Variants in PLEKHO2 observed in about 807,000 individuals in gnomAD.
PLEKHO2 encodes pleckstrin homology domain containing O2, also known as pleckstrin homology domain-containing family O member 2.
Under a neutral mutation model 32.7 loss-of-function variants are expected in PLEKHO2, and 20 were observed. The observed-to-expected ratio is 0.61, with a 90% CI of 0.43 to 0.89. The LOEUF is 0.89. PLEKHO2 is among the 40% of genes least tolerant of loss of function. The probability of loss-of-function intolerance (pLI) is 0.00; values close to 1 mark genes in which losing one functional copy is unlikely to be tolerated. For synonymous variants in PLEKHO2, 247 were observed against 246.3 expected (o/e 1.00, Z -0.03); for missense variants, 568 against 621.2 (o/e 0.91, Z 0.91).
intron 3 of PLEKHO2, among the ~76,000 whole-genome samples, chr15:64,856,444 C>A (rs832880): frequency 6.6e-6 from 1 of 151,822 alleles, no homozygotes; most frequent in African/African-American, 2.4e-5. Context: ...CCTCTCTGGC[C>A]TCTGCCTGTG....
intron 2 of PLEKHO2, among the ~76,000 whole-genome samples, chr15:64,851,575 T>C (rs1222057088): frequency 6.6e-6 from 1 of 152,224 alleles, no homozygotes; most frequent in East Asian, 1.9e-4. Context: ...TTCCTCTTTC[T>C]GATGTAAGGA....
rs535807857 is a variant in PLEKHO2, at chr15:64,865,544, C to G, written c.1129C>G (p.Pro377Ala). The change falls in exon 6 of 6, where the codon CCC becomes GCC. Residue 377 changes from proline to alanine, a missense_variant. Coordinates refer to ENST00000323544, the MANE Select transcript of PLEKHO2 (RefSeq NM_025201.5). ...KDATTSTALPPWDLPPQFHPR... is the reference protein window; with the variant it reads ...KDATTSTALPAWDLPPQFHPR... ...TGCAACAACATCCACAGCACTGCCC[C>G]CCTGGGACCTGCCACCTCAGTTCCA... is the stretch of plus-strand genomic sequence containing the variant. 1.2e-6 allele frequency: 2 copies of G among 1,614,174 alleles called. No individual in the cohort carries two copies. The highest frequency in any genetic ancestry group is 1.7e-6 in the Non-Finnish European group (2 of 1,180,032).
In PLEKHO2 at chr15:64,865,968, TCTG is replaced by T; in HGVS notation, c.*83_*85del. 1 of 1,491,240 alleles carries T rather than the reference TCTG, an allele frequency of 6.7e-7. No homozygotes were observed. Among genetic ancestry groups the T allele is most frequent in the Non-Finnish European group, 8.9e-7 (1 of 1,119,856 alleles). 92.4% of individuals were successfully genotyped at this position (1,491,240 alleles called of 1,614,324 possible). A position where few individuals can be genotyped will look rare whatever the true frequency, so the allele number is the denominator to read the frequency against. ...GCCCAGCCCTGCTGAGAAATGTGCT[TCTG>T]CTTCTACAGCAATGGCTGCAGGAGG... On this transcript the variant is annotated 3_prime_UTR_variant, in exon 6 of 6. Transcript: ENST00000323544.
chr15:64,852,190 C>T (rs897736697), intron 2 of PLEKHO2, among the ~76,000 whole-genome samples: 4 of 152,044 alleles, frequency 2.6e-5, no homozygotes, highest in Non-Finnish European at 5.9e-5. Context: ...TTTGCATCCC[C>T]CTGGCAGTAA....
chr15:64,847,868 G>T (rs1406630448), intron 1 of PLEKHO2, among the ~76,000 whole-genome samples: 1 of 152,148 alleles, frequency 6.6e-6, no homozygotes, highest in Non-Finnish European at 1.5e-5. Context: ...CTGCAGAGTG[G>T]GTTCTCTAGA....
chr15:64,856,898 G>C (rs901381638), intron 3 of PLEKHO2, among the ~76,000 whole-genome samples: 4 of 152,176 alleles, frequency 2.6e-5, no homozygotes, highest in African/African-American at 7.2e-5. Context: ...GCCTCCAGCC[G>C]GCCAGGAGGT....
At chr15:64,851,495 A>C (rs904684104) in intron 2 of PLEKHO2, among the ~76,000 whole-genome samples, 2 of 152,222 alleles carry the variant, frequency 1.3e-5, no homozygotes, top group African/African-American at 2.4e-5. Flanking sequence ...ATGCAATTTC[A>C]GGAACTTAAC....
intron 3 of PLEKHO2, 143 bp from the exon 4 acceptor site, chr15:64,859,751 T>C: frequency 1.4e-6 from 1 of 702,878 alleles, no homozygotes; most frequent in Non-Finnish European, 2.5e-6. Flanking sequence ...TCTTTCCCTT[T>C]CCTGGCCCAA....
At chr15:64,859,327 G>A (rs2084627177) in intron 3 of PLEKHO2, among the ~76,000 whole-genome samples, 1 of 152,210 alleles carries the variant, frequency 6.6e-6, no homozygotes, top group Non-Finnish European at 1.5e-5. Flanking sequence ...AGAAACTGAG[G>A]CCTGAGGTCA....
rs1445844155 is a variant in PLEKHO2 at position 64,841,940 on chromosome 15, C to T, written c.-77C>T. The T allele has an allele frequency of 9.0e-6, 11 of 1,228,058 alleles. No individual in the cohort carries two copies. The highest frequency in any genetic ancestry group is 1.6e-5 in the African/African-American group (1 of 64,304). The allele number at this position is 1,228,058 out of a possible 1,614,324, so 76.1% of individuals were successfully genotyped here. On this transcript the variant is annotated 5_prime_UTR_variant, in exon 1 of 6. Transcript: ENST00000323544. Reference sequence around the variant, plus strand: ...AGAACGCGGAGAGTCGCCGCCTGGCCGGGCGTAGACGCGGTGGCAGAGCCC... The same window carrying T: ...AGAACGCGGAGAGTCGCCGCCTGGCTGGGCGTAGACGCGGTGGCAGAGCCC...
At chr15:64,848,883 C>A in intron 2 of PLEKHO2, 141 bp downstream of exon 2, 1 of 942,192 alleles carries the variant, frequency 1.1e-6, no homozygotes, top group Non-Finnish European at 1.6e-6. Flanking sequence ...GAGCGAGTAC[C>A]TAATCCTCTC....
At chr15:64,853,229 A>C (rs954972766) in intron 2 of PLEKHO2, among the ~76,000 whole-genome samples, 1 of 151,704 alleles carries the variant, frequency 6.6e-6, no homozygotes, top group Non-Finnish European at 1.5e-5. Flanking sequence ...TCTTAGGTGT[A>C]ATGATTGAGT....
chr15:64,862,740 G>A (rs888283781), intron 5 of PLEKHO2, among the ~76,000 whole-genome samples: 2 of 152,020 alleles, frequency 1.3e-5, no homozygotes, highest in African/African-American at 2.4e-5. Context: ...CAAGGACAAG[G>A]CATTTACAAC....
intron 2 of PLEKHO2, 61 bp downstream of exon 2, chr15:64,848,803 CAA>C: frequency 6.2e-7 from 1 of 1,603,878 alleles, no homozygotes; most frequent in Non-Finnish European, 8.5e-7. Flanking sequence ...TGAGGGCATT[CAA>C]GTTAGTAGGA....
At chr15:64,857,338 G>T (rs1595831017) in intron 3 of PLEKHO2, among the ~76,000 whole-genome samples, 4 of 152,202 alleles carry the variant, frequency 2.6e-5, no homozygotes. Flanking sequence ...ACAGCTTCTT[G>T]GTATTCTTAT....
chr15:64,843,271 A>G (rs933684063), intron 1 of PLEKHO2, among the ~76,000 whole-genome samples: 11 of 151,458 alleles, frequency 7.3e-5, no homozygotes, highest in African/African-American at 2.2e-4. Flanking sequence ...TCCTCCTCAT[A>G]CTCCTGGCCT....
chr15:64,861,138 C>T (rs1034853144), intron 4 of PLEKHO2, among the ~76,000 whole-genome samples: 1 of 152,042 alleles, frequency 6.6e-6, no homozygotes, highest in African/African-American at 2.4e-5. Flanking sequence ...AACCAGGTAC[C>T]AGGGGAGCAT....
chr15:64,858,559 G>A lies in PLEKHO2; in HGVS notation c.280-1335G>A, dbSNP rs552709950. ...GAACTATTTACTGAGCACCTACTAT[G>A]TGCCAGTCCCTGCTTTTAATCATGT... On this transcript the variant is annotated intron_variant, in intron 3 of 5. Transcript: ENST00000323544. 6.6e-5 allele frequency among the ~76,000 whole-genome samples: 10 copies of A among 152,270 alleles called. No individual in the cohort carries two copies. In the East Asian group the frequency reaches 1.7e-3, roughly 26 times the overall value.
At chr15:64,861,707 G>C in intron 5 of PLEKHO2, 132 bp downstream of exon 5, 1 of 623,976 alleles carries the variant, frequency 1.6e-6, no homozygotes. Context: ...GGAGTAGACA[G>C]GAAGTGATGG....
Sources: allele counts gnomAD v4.1 joint callset (sites outside exome capture counted in the v4.1 genomes callset), GRCh38; gene constraint gnomAD v4.1.1; transcripts MANE v1.5; gene names NCBI Gene and HGNC (gene_info 2026-07-23, HGNC 2026-07-21).